Variants in RABIF observed in about 807,000 individuals in gnomAD.
RABIF encodes guanine nucleotide exchange factor MSS4.
In RABIF, 13 loss-of-function variants were observed where a neutral mutation model predicts 12.3. That is an observed-to-expected ratio of 1.06 (90% CI 0.69 to 1.68). The LOEUF (loss-of-function observed/expected upper bound fraction) is 1.68. RABIF is among the 40% of genes most tolerant of loss of function. The pLI is 0.00. For synonymous variants in RABIF, 70 were observed against 63.3 expected, an observed-to-expected ratio of 1.11 and a Z score of -0.50; for missense variants, 153 against 158.0, an observed-to-expected ratio of 0.97 and a Z score of 0.17.
rs1248904185 is a variant in RABIF, at chr1:202,878,689, A to G, written c.*2289T>C. ...AAACAATCAGGCTTTCACAAAATCA[A>G]CTGCTCTCCCCAATAGAAAACGGAA... On this transcript the variant is annotated 3_prime_UTR_variant, in exon 2 of 2. Coordinates refer to ENST00000367262, the MANE Select transcript of RABIF (RefSeq NM_002871.5). 6.6e-6 allele frequency among the ~76,000 whole-genome samples: 1 copy of G among 152,242 alleles called. No individual in the cohort carries two copies. The highest frequency in any genetic ancestry group is 1.5e-5 in the Non-Finnish European group (1 of 68,044).
Position 202,878,798 on chromosome 1 carries a change from G to C in RABIF, c.*2180C>G, listed in dbSNP as rs1046501868. ...GCTGATTCACAAGTATGTACTGAGA[G>C]CCTATTAGGTGTGAGGGAAATGAAG... On this transcript the variant is annotated 3_prime_UTR_variant, in exon 2 of 2. Coordinates refer to ENST00000367262, the MANE Select transcript of RABIF (RefSeq NM_002871.5). 8.5e-5 allele frequency among the ~76,000 whole-genome samples: 13 copies of C among 152,222 alleles called. No individual in the cohort carries two copies. The highest frequency in any genetic ancestry group is 1.5e-4 in the Non-Finnish European group (10 of 68,046).
chr1:202,881,318 A>G (rs1247482268), intron 1 of RABIF, 95 bp from the exon 2 acceptor site: 1 of 1,474,004 alleles, frequency 6.8e-7, no homozygotes, highest in Admixed American at 2.6e-5. Context: ...GCTCCCTAGC[A>G]GGAATGACAA....
chr1:202,888,975 G>A lies in RABIF; in HGVS notation c.124C>T (p.Gln42Ter). The change falls in exon 1 of 2, where the codon CAG becomes TAG. Residue 42 changes from glutamine to a stop codon, truncating the protein, a stop_gained and splice_region_variant. Coordinates refer to ENST00000367262, the MANE Select transcript of RABIF (RefSeq NM_002871.5). LOFTEE classifies it high-confidence loss of function. ...QPGTALFSRR[Q>*]LFLPSMRKKP... is the part of the protein sequence containing the mutation. ...CGGCCTCCAACCTGCCTCCCTACCT[G>A]TCGGCGAGAGAAGAGAGCGGTCCCT... The A allele has an allele frequency of 6.4e-7, 1 of 1,562,816 alleles. No homozygotes were observed. The highest frequency in any genetic ancestry group is 1.2e-5 in the South Asian group (1 of 85,434).
At chr1:202,888,707 G>A (rs1010537758) in intron 1 of RABIF, among the ~76,000 whole-genome samples, 1 of 152,172 alleles carries the variant, frequency 6.6e-6, no homozygotes, top group African/African-American at 2.4e-5. Context: ...AGCCCCCCCG[G>A]GGGCAGAGGG....
Position 202,880,671 on chromosome 1 carries a change from G to A in RABIF, c.*307C>T. The A allele has an allele frequency of 1.8e-6, 2 of 1,084,982 alleles. No individual in the cohort carries two copies. The highest frequency in any genetic ancestry group is 2.2e-6 in the Non-Finnish European group (2 of 889,200). The allele number at this position is 1,084,982 out of a possible 1,614,324, so 67.2% of individuals were successfully genotyped here. A position where few individuals can be genotyped will look rare whatever the true frequency, so the allele number is the denominator to read the frequency against. On this transcript the variant is annotated 3_prime_UTR_variant, in exon 2 of 2. Transcript: ENST00000367262. ...AGAGCAAGAAAAAGCGGGAGCCCCT[G>A]GGCAAAACAGAGCCTAGGGAGAATG...
Position 202,878,544 on chromosome 1 carries a change from C to CA in RABIF, c.*2433dup, listed in dbSNP as rs1659442007. 6.6e-6 allele frequency among the ~76,000 whole-genome samples: 1 copy of CA among 152,346 alleles called. No individual in the cohort carries two copies. Among genetic ancestry groups the CA allele is most frequent in the East Asian group, 1.9e-4 (1 of 5,190 alleles). On this transcript the variant is annotated 3_prime_UTR_variant, in exon 2 of 2. Coordinates refer to ENST00000367262, the MANE Select transcript of RABIF (RefSeq NM_002871.5). ...CACCATTATCAGAAGCAGAAGTCCT[C>CA]ATAGTTACTCAGTTACATGTGTAGC...
chr1:202,882,969 C>A (rs1223740489), intron 1 of RABIF, among the ~76,000 whole-genome samples: 5 of 152,154 alleles, frequency 3.3e-5, no homozygotes, highest in Non-Finnish European at 5.9e-5. Flanking sequence ...ATTATTAGCT[C>A]TAGGATGCTT....
At position 202,878,562 on chromosome 1, in the gene RABIF, T is replaced by C. The variant is rs968929719; in HGVS notation, c.*2416A>G. Among the ~76,000 whole-genome samples, 3 of 152,374 alleles carry C rather than the reference T, an allele frequency of 2.0e-5. No homozygotes were observed. Among genetic ancestry groups the C allele is most frequent in the Admixed American group, 1.3e-4 (2 of 15,306 alleles). On this transcript the variant is annotated 3_prime_UTR_variant, in exon 2 of 2. Coordinates refer to ENST00000367262, the MANE Select transcript of RABIF (RefSeq NM_002871.5). ...AAGTCCTCATAGTTACTCAGTTACA[T>C]GTGTAGCCTCATATACAACATGGTG...
At position 202,881,045 on chromosome 1, in the gene RABIF, A is replaced by G. The variant is rs369753622; in HGVS notation, c.305T>C (p.Ile102Thr). The change falls in exon 2 of 2, where the codon ATT becomes ACT. Residue 102 changes from isoleucine to threonine, a missense_variant. Ile to Thr is a moderately conservative substitution (Grantham distance 89). Transcript: ENST00000367262. ...CTTGTCATCTAGGCAATGCCAGCCA[A>G]TTGGTCCAATTTCACAGTCTGCGCA... is the stretch of plus-strand genomic sequence containing the variant. ...LVCADCEIGP[I>T]GWHCLDDKNS... 3.1e-6 allele frequency: 5 copies of G among 1,614,004 alleles called. No individual in the cohort carries two copies. The highest frequency in any genetic ancestry group is 4.2e-6 in the Non-Finnish European group (5 of 1,180,008).
chr1:202,885,394 T>A (rs961856441), intron 1 of RABIF, among the ~76,000 whole-genome samples: 2 of 152,218 alleles, frequency 1.3e-5, no homozygotes, highest in African/African-American at 2.4e-5. Context: ...GCTATTGCAC[T>A]GGGTGGAGCG....
At chr1:202,887,746 C>A (rs180818776) in intron 1 of RABIF, among the ~76,000 whole-genome samples, 2 of 152,046 alleles carry the variant, frequency 1.3e-5, no homozygotes, top group Admixed American at 6.5e-5. Context: ...TCAGGTGTTC[C>A]GCCCGCCTCG....
chr1:202,881,286 C>T lies in RABIF; in HGVS notation c.127-63G>A, dbSNP rs779891081. The T allele has an allele frequency of 1.2e-4, 190 of 1,546,944 alleles. 1 individual carries two copies. Among genetic ancestry groups the T allele is most frequent in the Non-Finnish European group, 1.5e-4 (177 of 1,147,842 alleles). On this transcript the variant is annotated intron_variant, in intron 1 of 1. Coordinates refer to ENST00000367262, the MANE Select transcript of RABIF (RefSeq NM_002871.5). ...ACTGGCCCAGTTCCATCAACACCCC[C>T]GTTCTAGGTACACTTCACATTGCTC...
intron 1 of RABIF, among the ~76,000 whole-genome samples, chr1:202,887,959 C>A (rs954348410): frequency 6.6e-6 from 1 of 152,072 alleles, no homozygotes; most frequent in African/African-American, 2.4e-5. Flanking sequence ...TAAAAGAACC[C>A]CGGGACCTCC....
At position 202,880,344 on chromosome 1, in the gene RABIF, G is replaced by A. The variant is rs1659468469; in HGVS notation, c.*634C>T. On this transcript the variant is annotated 3_prime_UTR_variant, in exon 2 of 2. Transcript: ENST00000367262. ...GAAACTACAAGATTTCAAGGGAAGA[G>A]GGACCACACCCATCTTCACAATAAA... 6.6e-6 allele frequency: 1 copy of A among 152,656 alleles called. No individual in the cohort carries two copies. The highest frequency in any genetic ancestry group is 1.5e-5 in the Non-Finnish European group (1 of 68,044). 9.5% of individuals were successfully genotyped at this position (152,656 alleles called of 1,614,324 possible). A position where few individuals can be genotyped will look rare whatever the true frequency, so the allele number is the denominator to read the frequency against.
chr1:202,885,394 T>C (rs961856441), intron 1 of RABIF, among the ~76,000 whole-genome samples: 4 of 152,218 alleles, frequency 2.6e-5, no homozygotes, highest in Non-Finnish European at 5.9e-5. Flanking sequence ...GCTATTGCAC[T>C]GGGTGGAGCG....
intron 1 of RABIF, among the ~76,000 whole-genome samples, chr1:202,888,515 G>A (rs1404883013): frequency 6.6e-6 from 1 of 152,190 alleles, no homozygotes; most frequent in African/African-American, 2.4e-5. Context: ...ATTCAGGACT[G>A]GCGGGTGAGG....
chr1:202,884,839 C>T (rs988530664), intron 1 of RABIF, among the ~76,000 whole-genome samples: 1 of 152,094 alleles, frequency 6.6e-6, no homozygotes, highest in African/African-American at 2.4e-5. Context: ...AATCCCAGCA[C>T]TTTGGGAGGC....
At position 202,889,118 on chromosome 1, in the gene RABIF, T is replaced by C. The variant is rs754577180; in HGVS notation, c.-20A>G. On this transcript the variant is annotated 5_prime_UTR_variant, in exon 1 of 2. Transcript: ENST00000367262. ...TTCCATCGCCGCTGCCGCCACAGGCTCCTCAGCCACGGCTGCGCAGACGCT... is the reference window on the plus strand; with the variant it reads ...TTCCATCGCCGCTGCCGCCACAGGCCCCTCAGCCACGGCTGCGCAGACGCT... The C allele has an allele frequency of 2.5e-6, 4 of 1,597,370 alleles. No homozygotes were observed. Among genetic ancestry groups the C allele is most frequent in the Non-Finnish European group, 3.4e-6 (4 of 1,171,940 alleles).
intron 1 of RABIF, among the ~76,000 whole-genome samples, chr1:202,888,675 G>A (rs1657619082): frequency 6.6e-6 from 1 of 152,192 alleles, no homozygotes; most frequent in South Asian, 2.1e-4. Context: ...GGACGGCGGC[G>A]GGGCGCACGG....
Sources: gnomAD v4.1 joint callset for allele counts (sites outside exome capture counted in the v4.1 genomes callset) on GRCh38, gnomAD v4.1.1 for gene constraint, MANE v1.5 for transcripts, NCBI Gene and HGNC (gene_info 2026-07-23, HGNC 2026-07-21) for gene names.